FOXK1: variants seen among roughly 807,000 people sequenced by gnomAD.
FOXK1 encodes the protein forkhead box K1.
Under a neutral mutation model 51.9 loss-of-function variants are expected in FOXK1, and 19 were observed. The observed-to-expected ratio is 0.37, with a 90% CI of 0.26 to 0.54. The LOEUF (loss-of-function observed/expected upper bound fraction) is 0.54, where lower values mean the gene tolerates loss of function less well. FOXK1 is among the 20% of genes least tolerant of loss of function. The pLI is 0.87. For synonymous variants in FOXK1, 537 were observed against 482.6 expected (o/e 1.11, Z -1.48); for missense variants, 870 against 1,032.7 (o/e 0.84, Z 2.16).
chr7:4,762,116 G>C lies in FOXK1; in HGVS notation c.1922-68G>C, dbSNP rs1780940178. ...GGCTTGGTGGCTTAGCCCCTGTATA[G>C]GGGACTTGAAAAAAGCAGCTGGGTC... On this transcript the variant is annotated intron_variant, in intron 8 of 8. Transcript: ENST00000328914. This position sits in a 1 kb window ranked among gnomAD's most constrained non-coding sequence, Gnocchi z 5.7. The C allele has an allele frequency of 6.7e-7, 1 of 1,494,922 alleles. No homozygotes were observed. Among genetic ancestry groups the C allele is most frequent in the Non-Finnish European group, 9.0e-7 (1 of 1,112,948 alleles). 92.6% of individuals were successfully genotyped at this position (1,494,922 alleles called of 1,614,324 possible). A position where few individuals can be genotyped will look rare whatever the true frequency, so the allele number is the denominator to read the frequency against.
chr7:4,736,459 C>T (rs1224576174), intron 1 of FOXK1, among the ~76,000 whole-genome samples: 1 of 149,558 alleles, frequency 6.7e-6, no homozygotes, highest in African/African-American at 2.5e-5. Context: ...GTTGCCCAGG[C>T]TGGAGTGCAG....
rs1780819085 is a variant in FOXK1 at position 4,754,629 on chromosome 7, T to G, written c.903+14T>G. On this transcript the variant is annotated intron_variant, in intron 3 of 8. Transcript: ENST00000328914. ...GACAGCCCCAAGGTCTGAGCCCACC[T>G]GGCGCCGTGGTGCACCTGGTGACCC... 1.1e-5 allele frequency: 17 copies of G among 1,598,518 alleles called. No individual in the cohort carries two copies. In the East Asian group the frequency reaches 3.8e-4, roughly 36 times the overall value.
chr7:4,729,827 T>C lies in FOXK1; in HGVS notation c.561-11011T>C, dbSNP rs1780427258. ...CAACATGGTGAAACCCCATCTCTAC[T>C]AACAATACAAAAACTAGCCAGGCCT... is the stretch of plus-strand genomic sequence containing the variant. On this transcript the variant is annotated intron_variant, in intron 1 of 8. Coordinates refer to ENST00000328914, the MANE Select transcript of FOXK1 (RefSeq NM_001037165.2). The surrounding 1 kb of genome is among the most constrained non-coding windows in gnomAD (Gnocchi z 6.2). 6.6e-6 allele frequency among the ~76,000 whole-genome samples: 1 copy of C among 152,072 alleles called. No homozygotes were observed. The highest frequency in any genetic ancestry group is 2.1e-4 in the South Asian group (1 of 4,826).
rs1311204017 is a variant in FOXK1, at chr7:4,706,288, G to T, written c.560+23420G>T. ...CTGATCAGAATCACAACTGGTTAGGGGCTTAAATACTTAAAATAAAATACC... is the reference window on the plus strand; with the variant it reads ...CTGATCAGAATCACAACTGGTTAGGTGCTTAAATACTTAAAATAAAATACC... On this transcript the variant is annotated intron_variant, in intron 1 of 8. Coordinates refer to ENST00000328914, the MANE Select transcript of FOXK1 (RefSeq NM_001037165.2). Among the ~76,000 whole-genome samples, 24 of 152,058 alleles carry T rather than the reference G, an allele frequency of 1.6e-4. 1 individual carries two copies. In the South Asian group the frequency reaches 5.0e-3, roughly 32 times the overall value.
At chr7:4,725,443 G>A (rs975714102) in intron 1 of FOXK1, among the ~76,000 whole-genome samples, 1 of 152,344 alleles carries the variant, frequency 6.6e-6, no homozygotes. Flanking sequence ...TGTCTCAGGA[G>A]CCCAGCCAGC....
intron 1 of FOXK1, among the ~76,000 whole-genome samples, chr7:4,716,087 G>C (rs1307718624): frequency 2.0e-5 from 3 of 152,138 alleles, no homozygotes; most frequent in African/African-American, 7.2e-5. Flanking sequence ...CAGGCGTGGT[G>C]GTGGGTGCCT....
At chr7:4,752,248 A>C (rs569705375) in intron 2 of FOXK1, among the ~76,000 whole-genome samples, 9 of 152,314 alleles carry the variant, frequency 5.9e-5, no homozygotes. Context: ...AGGCTCAAGC[A>C]GTCCTCCTGC....
rs1480746467 is a variant in FOXK1, at chr7:4,707,833, G to A, written c.560+24965G>A. ...CCAAGTAGCTGGGATGATAGGGCCC[G>A]CCACCGTGTCCGGCTAATTTTTGTA... On this transcript the variant is annotated intron_variant, in intron 1 of 8. Coordinates refer to ENST00000328914, the MANE Select transcript of FOXK1 (RefSeq NM_001037165.2). This position sits in a 1 kb window ranked among gnomAD's most constrained non-coding sequence, Gnocchi z 4.1. Among the ~76,000 whole-genome samples the A allele has an allele frequency of 2.0e-5, 3 of 151,860 alleles. No homozygotes were observed. The highest frequency in any genetic ancestry group is 2.9e-5 in the Non-Finnish European group (2 of 67,978).
chr7:4,690,432 T>A (rs966544218), intron 1 of FOXK1, among the ~76,000 whole-genome samples: 1 of 152,252 alleles, frequency 6.6e-6, no homozygotes, highest in Non-Finnish European at 1.5e-5. Context: ...AGTTAGACTG[T>A]CAACTGGTTA....
chr7:4,686,531 CA>C (rs1184151430), intron 1 of FOXK1, among the ~76,000 whole-genome samples: 1 of 152,154 alleles, frequency 6.6e-6, no homozygotes, highest in Non-Finnish European at 1.5e-5. Flanking sequence ...CTCCCAGGCA[CA>C]GGGGGAGTGT....
At position 4,748,392 on chromosome 7, in the gene FOXK1, C is replaced by T. The variant is rs531036888; in HGVS notation, c.747-6067C>T. On this transcript the variant is annotated intron_variant, in intron 2 of 8. Transcript: ENST00000328914. This position sits in a 1 kb window ranked among gnomAD's most constrained non-coding sequence, Gnocchi z 4.9. The stretch of plus-strand genomic sequence containing the variant: ...TCATGTCTGGTTTACCTTGCATGAG[C>T]GTTTTCTGTATTAGAACTGTGTAGT... Among the ~76,000 whole-genome samples, 26 of 152,326 alleles carry T rather than the reference C, an allele frequency of 1.7e-4. No individual in the cohort carries two copies. Among genetic ancestry groups the T allele is most frequent in the African/African-American group, 6.3e-4 (26 of 41,568 alleles).
rs936348291 is a variant in FOXK1, at chr7:4,762,815, C to T, written c.*351C>T. On this transcript the variant is annotated 3_prime_UTR_variant, in exon 9 of 9. Transcript: ENST00000328914. This position sits in a 1 kb window ranked among gnomAD's most constrained non-coding sequence, Gnocchi z 5.7. ...AATGTGTCAAGACAGCCCCTCCGCT[C>T]CGCGCTGCACGGCCAGCCGCCTTTG... is the stretch of plus-strand genomic sequence containing the variant. The T allele has an allele frequency of 2.5e-5, 6 of 241,248 alleles. No individual in the cohort carries two copies. Among genetic ancestry groups the T allele is most frequent in the African/African-American group, 1.1e-4 (5 of 44,182 alleles). The allele number at this position is 241,248 out of a possible 1,614,324, so 14.9% of individuals were successfully genotyped here.
chr7:4,744,633 G>A lies in FOXK1; in HGVS notation c.746+3610G>A, dbSNP rs150530754. On this transcript the variant is annotated intron_variant, in intron 2 of 8. Transcript: ENST00000328914. ...AGAAATTGTGTACTGAGCACCTGAAGCTCTTGCAGCTGGAGCTGTTCTGAG... is the reference window on the plus strand; with the variant it reads ...AGAAATTGTGTACTGAGCACCTGAAACTCTTGCAGCTGGAGCTGTTCTGAG... Among the ~76,000 whole-genome samples, 303 of 152,386 alleles carry A rather than the reference G, an allele frequency of 2.0e-3. 2 individuals are homozygous for A. Among genetic ancestry groups the A allele is most frequent in the Non-Finnish European group, 3.3e-3 (225 of 68,042 alleles).
intron 1 of FOXK1, among the ~76,000 whole-genome samples, chr7:4,685,774 C>G (rs1299115102): frequency 1.3e-5 from 2 of 151,800 alleles, no homozygotes; most frequent in Non-Finnish European, 2.9e-5. Context: ...AAAACCCTGT[C>G]TCTACTAAAA....
chr7:4,741,505 AT>A (rs1780633656), intron 2 of FOXK1, among the ~76,000 whole-genome samples: 1 of 151,942 alleles, frequency 6.6e-6, no homozygotes, highest in African/African-American at 2.4e-5. Flanking sequence ...AATTTTTTGT[AT>A]TTTTAGTAGA....
intron 1 of FOXK1, among the ~76,000 whole-genome samples, chr7:4,692,772 G>A (rs1306249918): frequency 1.3e-5 from 2 of 151,310 alleles, no homozygotes; most frequent in Admixed American, 6.6e-5. Context: ...TGTCACCCAG[G>A]CTAGAGTGCA....
At chr7:4,739,158 A>G (rs987501220) in intron 1 of FOXK1, among the ~76,000 whole-genome samples, 6 of 152,234 alleles carry the variant, frequency 3.9e-5, no homozygotes, top group Non-Finnish European at 8.8e-5. Context: ...AGTCAGGCAT[A>G]GACCCAGCAG....
rs1336058543 is a variant in FOXK1, at chr7:4,756,495, G to C, written c.1051-499G>C. Among the ~76,000 whole-genome samples, 1 of 151,606 alleles carries C rather than the reference G, an allele frequency of 6.6e-6. No homozygotes were observed. Among genetic ancestry groups the C allele is most frequent in the Non-Finnish European group, 1.5e-5 (1 of 67,902 alleles). ...CTGTTTCACTTTTTCTGTAAAGAATGGTAATGGCAGCCAGGCACAGTAGCT... is the reference window on the plus strand; with the variant it reads ...CTGTTTCACTTTTTCTGTAAAGAATCGTAATGGCAGCCAGGCACAGTAGCT... On this transcript the variant is annotated intron_variant, in intron 4 of 8. Transcript: ENST00000328914. This position sits in a 1 kb window ranked among gnomAD's most constrained non-coding sequence, Gnocchi z 4.1.
Position 4,758,957 on chromosome 7 carries a change from G to GCGGGTGA in FOXK1, c.1245-90_1245-84dup, listed in dbSNP as rs1446402259. The GCGGGTGA allele has an allele frequency of 7.4e-7, 1 of 1,347,984 alleles. No individual in the cohort carries two copies. Among genetic ancestry groups the GCGGGTGA allele is most frequent in the Non-Finnish European group, 1.0e-6 (1 of 996,202 alleles). The allele number at this position is 1,347,984 out of a possible 1,614,324, so 83.5% of individuals were successfully genotyped here. ...CAGAGACGAGCTCCAGGGAGCGTGG[G>GCGGGTGA]CGGGTGACGGCGCTGAGATGCGTGA... is the stretch of plus-strand genomic sequence containing the variant. On this transcript the variant is annotated intron_variant, in intron 5 of 8. Transcript: ENST00000328914. The surrounding 1 kb of genome is among the most constrained non-coding windows in gnomAD (Gnocchi z 4.4).
Sources: gnomAD v4.1 joint callset for allele counts (sites outside exome capture counted in the v4.1 genomes callset) on GRCh38, gnomAD v4.1.1 for gene constraint, Gnocchi (gnomAD v3.1) non-coding constraint, MANE v1.5 for transcripts, NCBI Gene and HGNC (gene_info 2026-07-23, HGNC 2026-07-21) for gene names.